Variants in TENM2 observed in about 807,000 individuals in gnomAD.
The protein encoded by TENM2 is teneurin-2.
TENM2 carries 52 observed loss-of-function variants against 245.2 expected under a neutral mutation model. That is an observed-to-expected ratio of 0.21 (90% CI 0.17 to 0.27). The LOEUF (loss-of-function observed/expected upper bound fraction) is 0.27, where lower values mean the gene tolerates loss of function less well. TENM2 is among the 10% of genes least tolerant of loss of function. The pLI is 1.00. For synonymous variants in TENM2, 1,363 were observed against 1,438.9 expected (o/e 0.95, Z 1.19); for missense variants, 3,046 against 3,666.8 (o/e 0.83, Z 4.37).
the TENM2 span, among the ~76,000 whole-genome samples, chr5:166,991,367 G>A: frequency 2.6e-5 from 4 of 151,636 alleles, no homozygotes; most frequent in Admixed American, 6.6e-5. Flanking sequence ...ATTTGTGTGC[G>A]TATGGTTTTT....
At chr5:167,361,387 C>A (rs771159679) in intron 1 of TENM2, among the ~76,000 whole-genome samples, 13 of 152,120 alleles carry the variant, frequency 8.5e-5, no homozygotes, top group Non-Finnish European at 1.3e-4. Context: ...TTTTTCTAGT[C>A]CAAACTTATC....
chr5:167,457,072 G>C (rs1765967779), intron 2 of TENM2, among the ~76,000 whole-genome samples: 1 of 152,006 alleles, frequency 6.6e-6, no homozygotes, highest in Non-Finnish European at 1.5e-5. Flanking sequence ...TATTTTGATG[G>C]CTTCTTTCCT....
chr5:168,041,017 A>G lies in TENM2; in HGVS notation c.1187-6410A>G, dbSNP rs189560913. 3.0e-3 allele frequency among the ~76,000 whole-genome samples: 462 copies of G among 152,296 alleles called. 3 individuals carry two copies. Among genetic ancestry groups the G allele is most frequent in the Middle Eastern group, 3.4e-3 (1 of 294 alleles). On this transcript the variant is annotated intron_variant, in intron 5 of 28. Coordinates refer to ENST00000518659, the Ensembl canonical transcript of TENM2. ...GTGTATTCATGAGTGAGCCTTGACAATATTTAGTAAGTAAGTGATTCTATA... is the reference window on the plus strand; with the variant it reads ...GTGTATTCATGAGTGAGCCTTGACAGTATTTAGTAAGTAAGTGATTCTATA...
chr5:168,108,327 G>A (rs1303970720), intron 9 of TENM2, among the ~76,000 whole-genome samples: 1 of 152,240 alleles, frequency 6.6e-6, no homozygotes, highest in Non-Finnish European at 1.5e-5. Context: ...AAGCTGTAGA[G>A]TTTGAATTTG....
chr5:167,562,909 A>T (rs1219713317), intron 2 of TENM2, among the ~76,000 whole-genome samples: 3 of 150,824 alleles, frequency 2.0e-5, no homozygotes, highest in African/African-American at 7.3e-5. Context: ...GTGAGCCGAG[A>T]TCGCACCACT....
chr5:167,606,266 A>T (rs1438384581), intron 2 of TENM2, among the ~76,000 whole-genome samples: 1 of 152,152 alleles, frequency 6.6e-6, no homozygotes, highest in East Asian at 1.9e-4. Flanking sequence ...TTCAAACAAC[A>T]GACACTTATA....
chr5:167,399,725 T>G (rs1469674118), intron 2 of TENM2, among the ~76,000 whole-genome samples: 3 of 152,158 alleles, frequency 2.0e-5, no homozygotes, highest in Non-Finnish European at 4.4e-5. Context: ...GACTTTATTG[T>G]GAAGAGTAAA....
At chr5:167,963,043 C>T (rs1396638659) in intron 4 of TENM2, among the ~76,000 whole-genome samples, 1 of 152,080 alleles carries the variant, frequency 6.6e-6, no homozygotes, top group Admixed American at 6.5e-5. Context: ...AAGGAGGAGG[C>T]AGGTACATAA....
Position 168,247,237 on chromosome 5 carries a change from A to G in TENM2, c.6298A>G (p.Ile2100Val). 3 of 1,613,968 alleles carry G rather than the reference A, an allele frequency of 1.9e-6. No individual in the cohort carries two copies. The highest frequency in any genetic ancestry group is 1.7e-6 in the Non-Finnish European group (2 of 1,179,896). ...CACCTATCATGACAACAGCTTCCGC[A>G]TCGCAAGCATCAAGCCCGTCATAAG... The change falls in exon 27 of 29, where the codon ATC becomes GTC. Residue 2100 changes from isoleucine (I) to valine (V), a missense_variant. By Grantham distance (29) the Ile-to-Val change is conservative. Around this residue, in one of 2 missense-constraint regions of TENM2, gnomAD observed 2,704 missense variants for 3,331.9 expected, o/e 0.81. Transcript: ENST00000518659. The surrounding 1 kb of genome is among the most constrained non-coding windows in gnomAD (Gnocchi z 7.8).
In TENM2 at chr5:167,392,767, C is replaced by A. The variant is rs551813159; in HGVS notation, c.502+17294C>A. 4.6e-5 allele frequency among the ~76,000 whole-genome samples: 7 copies of A among 152,208 alleles called. No individual in the cohort carries two copies. In the East Asian group the frequency reaches 1.2e-3, roughly 25 times the overall value. On this transcript the variant is annotated intron_variant, in intron 2 of 28. Coordinates refer to ENST00000518659, the Ensembl canonical transcript of TENM2. ...TCAAAATGTATCGAGTAATTCATGG[C>A]AATAACATTTAACTACAAACTTTTA...
rs557609748 is a variant in TENM2 at position 167,625,461 on chromosome 5, G to A, written c.502+249988G>A. Among the ~76,000 whole-genome samples, 3 of 152,072 alleles carry A rather than the reference G, an allele frequency of 2.0e-5. No homozygotes were observed. The East Asian group carries it at 5.8e-4, about 29-fold the overall frequency. ...AAACCATTACTTATCAAGATTTTTA[G>A]GGACTTTATTTAAAACAATGCTTAT... On this transcript the variant is annotated intron_variant, in intron 2 of 28. Transcript: ENST00000518659.
chr5:167,760,633 C>A (rs1561749367), intron 2 of TENM2, among the ~76,000 whole-genome samples: 1 of 152,140 alleles, frequency 6.6e-6, no homozygotes, highest in Non-Finnish European at 1.5e-5. Flanking sequence ...GTTCCACAAG[C>A]AGCTGCCTTG....
the TENM2 span, among the ~76,000 whole-genome samples, chr5:167,113,642 CAAAA>C: frequency 1.0e-5 from 1 of 96,384 alleles, no homozygotes. Flanking sequence ...GATCCTGTCT[CAAAA>C]AAAAAAAAAA....
chr5:168,097,672 A>G (rs1793482925), intron 8 of TENM2, among the ~76,000 whole-genome samples: 1 of 152,016 alleles, frequency 6.6e-6, no homozygotes, highest in African/African-American at 2.4e-5. Flanking sequence ...GGCTAGTCTC[A>G]GACTCCTGAC....
chr5:168,116,820 C>T (rs947623747), intron 9 of TENM2, among the ~76,000 whole-genome samples: 2 of 152,100 alleles, frequency 1.3e-5, no homozygotes, highest in African/African-American at 4.8e-5. Flanking sequence ...GGTATGCCAT[C>T]GCTGAGTGGC....
chr5:168,215,060 A>T (rs760486856), exon 21 of TENM2: 1 of 1,613,822 alleles, frequency 6.2e-7, no homozygotes, highest in South Asian at 1.1e-5. Flanking sequence ...GCACACAAGT[A>T]CTACTTGGCA....
the TENM2 span, among the ~76,000 whole-genome samples, chr5:167,233,958 T>C: frequency 2.6e-5 from 4 of 151,770 alleles, no homozygotes; most frequent in East Asian, 7.7e-4. Flanking sequence ...AAGAACCTTA[T>C]GGTTTTTTTA....
chr5:167,015,171 T>G, the TENM2 span, among the ~76,000 whole-genome samples: 1 of 152,318 alleles, frequency 6.6e-6, no homozygotes, highest in East Asian at 1.9e-4. Flanking sequence ...ATCTTATTGG[T>G]TTCCTGTTAT....
chr5:167,180,038 C>T, the TENM2 span, among the ~76,000 whole-genome samples: 4 of 151,668 alleles, frequency 2.6e-5, no homozygotes, highest in African/African-American at 9.7e-5. Context: ...ACTGTTTGAC[C>T]TGGTCCTTTG....
Sources: gnomAD v4.1 joint callset for allele counts (sites outside exome capture counted in the v4.1 genomes callset) on GRCh38, gnomAD v4.1.1 for gene constraint, gnomAD v4.1.1 regional missense constraint, Gnocchi (gnomAD v3.1) non-coding constraint, MANE v1.5 for transcripts, NCBI Gene and HGNC (gene_info 2026-07-23, HGNC 2026-07-21) for gene names.